MITF: variants seen among roughly 807,000 people sequenced by gnomAD.
MITF encodes microphthalmia-associated transcription factor.
Under a neutral mutation model 60.5 loss-of-function variants are expected in MITF, and 17 were observed. The observed-to-expected ratio is 0.28, with a 90% CI of 0.19 to 0.42. The LOEUF (loss-of-function observed/expected upper bound fraction) is 0.42, where lower values mean the gene tolerates loss of function less well. MITF is among the 10% of genes least tolerant of loss of function. MITF has a pLI of 1.00. For synonymous variants in MITF, 260 were observed against 248.5 expected (o/e 1.05, Z -0.43); for missense variants, 622 against 683.5 (o/e 0.91, Z 1.00).
intron 1 of MITF, among the ~76,000 whole-genome samples, chr3:69,742,379 C>T (rs1257537852): frequency 6.6e-6 from 1 of 152,140 alleles, no homozygotes; most frequent in Non-Finnish European, 1.5e-5. Context: ...GTGCTGAGGT[C>T]AAGCAACTCT....
chr3:69,950,448 TTATATATA>T (rs10604038), intron 6 of MITF, among the ~76,000 whole-genome samples: 278 of 130,786 alleles, frequency 2.1e-3, no homozygotes, highest in East Asian at 0.014. Flanking sequence ...AACTTCTGAG[TTATATATA>T]TATATATATA....
intron 1 of MITF, among the ~76,000 whole-genome samples, chr3:69,741,896 TG>T (rs1386514894): frequency 6.6e-6 from 1 of 152,236 alleles, no homozygotes; most frequent in Non-Finnish European, 1.5e-5. Context: ...CTTATGTTTT[TG>T]CTGGGGCACC....
intron 1 of MITF, among the ~76,000 whole-genome samples, chr3:69,865,030 C>T (rs79604325): frequency 3.2e-4 from 49 of 152,060 alleles, no homozygotes; most frequent in African/African-American, 9.6e-4. Context: ...GTAAACTCCA[C>T]GAATTTACAC....
intron 5 of MITF, among the ~76,000 whole-genome samples, chr3:69,942,551 C>G (rs1380969736): frequency 1.3e-5 from 2 of 152,002 alleles, no homozygotes; most frequent in Admixed American, 6.6e-5. Context: ...CTTGAAACCT[C>G]AAGCTTCTTT....
chr3:69,836,095 G>A (rs62252226), intron 1 of MITF, among the ~76,000 whole-genome samples: 23,292 of 151,752 alleles, frequency 0.15, 2,077 homozygotes, highest in Non-Finnish European at 0.21. Flanking sequence ...TAATTCTTTC[G>A]GTTCATGGAC....
At chr3:69,891,584 C>T (rs1370069334) in intron 2 of MITF, among the ~76,000 whole-genome samples, 2 of 152,122 alleles carry the variant, frequency 1.3e-5, no homozygotes, top group African/African-American at 2.4e-5. Flanking sequence ...AAAGTATGCT[C>T]ATGTTTGAGA....
At chr3:69,930,917 A>G (rs1451177208) in intron 2 of MITF, among the ~76,000 whole-genome samples, 1 of 152,204 alleles carries the variant, frequency 6.6e-6, no homozygotes, top group Non-Finnish European at 1.5e-5. Context: ...GATGGGAACA[A>G]CTCAAAGTAA....
chr3:69,870,669 G>A (rs971343032), intron 1 of MITF, among the ~76,000 whole-genome samples: 3 of 151,768 alleles, frequency 2.0e-5, no homozygotes, highest in Non-Finnish European at 4.4e-5. Flanking sequence ...TCTTGATCTC[G>A]TGATCCACCC....
rs72371556 is a variant in MITF at position 69,821,690 on chromosome 3, TA to T, written c.105-57428del. On this transcript the variant is annotated intron_variant, in intron 1 of 9. Coordinates refer to ENST00000352241, the MANE Select transcript of MITF (RefSeq NM_001354604.2). ...CATTTAGAAAAGGAAAAAAAAAAAC[TA>T]AAAAAAAAAAAAAAAGCAAAAGTTC... Among the ~76,000 whole-genome samples, 684 of 113,186 alleles carry T rather than the reference TA, an allele frequency of 6.0e-3. 4 individuals carry two copies. The highest frequency in any genetic ancestry group is 0.013 in the African/African-American group (403 of 30,390). 74.3% of individuals were successfully genotyped at this position (113,186 alleles called of 152,430 possible). A position where few individuals can be genotyped will look rare whatever the true frequency, so the allele number is the denominator to read the frequency against.
rs112119389 is a variant in MITF at position 69,847,905 on chromosome 3, A to G, written c.105-31229A>G. On this transcript the variant is annotated intron_variant, in intron 1 of 9. Transcript: ENST00000352241. ...GGTATTTCCTAACTACCATGTTCCC[A>G]ATCCCACATGCTTCATAGCCTAAGA... Among the ~76,000 whole-genome samples, 7 of 152,364 alleles carry G rather than the reference A, an allele frequency of 4.6e-5. 1 individual carries two copies. The highest frequency in any genetic ancestry group is 1.7e-4 in the African/African-American group (7 of 41,588).
chr3:69,777,374 C>T (rs2062491435), intron 1 of MITF, among the ~76,000 whole-genome samples: 1 of 152,154 alleles, frequency 6.6e-6, no homozygotes, highest in Admixed American at 6.5e-5. Context: ...TCATTTGGGT[C>T]ATTGTTGCTA....
At chr3:69,868,068 G>A (rs1245191604) in intron 1 of MITF, among the ~76,000 whole-genome samples, 1 of 152,200 alleles carries the variant, frequency 6.6e-6, no homozygotes, top group East Asian at 1.9e-4. Flanking sequence ...TCCCTAGAAA[G>A]TAACTTGTCA....
At chr3:69,832,615 T>TCC (rs1378439460) in intron 1 of MITF, among the ~76,000 whole-genome samples, 1 of 152,244 alleles carries the variant, frequency 6.6e-6, no homozygotes, top group Non-Finnish European at 1.5e-5. Context: ...CGCAATTGTT[T>TCC]CCCCGTTTAC....
At chr3:69,815,495 A>G (rs1409634120) in intron 1 of MITF, among the ~76,000 whole-genome samples, 1 of 152,182 alleles carries the variant, frequency 6.6e-6, no homozygotes, top group Non-Finnish European at 1.5e-5. Context: ...ATTAGTAAAT[A>G]TCTTTTCTTT....
At chr3:69,823,199 C>G (rs949409057) in intron 1 of MITF, among the ~76,000 whole-genome samples, 4 of 152,094 alleles carry the variant, frequency 2.6e-5, no homozygotes, top group African/African-American at 9.7e-5. Flanking sequence ...TTTAAATTAG[C>G]TTTTCTGTGT....
intron 1 of MITF, among the ~76,000 whole-genome samples, chr3:69,784,808 T>C (rs2062621917): frequency 6.6e-6 from 1 of 152,148 alleles, no homozygotes; most frequent in Admixed American, 6.5e-5. Flanking sequence ...AAAGGACTTC[T>C]TAAAATAGGA....
intron 1 of MITF, among the ~76,000 whole-genome samples, chr3:69,851,146 A>G (rs1388301857): frequency 1.4e-4 from 22 of 152,112 alleles, no homozygotes; most frequent in Non-Finnish European, 2.9e-5. Flanking sequence ...ATACTTCTGA[A>G]CTCTGGCTCA....
At chr3:69,946,377 A>G (rs1320712739) in intron 5 of MITF, among the ~76,000 whole-genome samples, 2 of 152,098 alleles carry the variant, frequency 1.3e-5, no homozygotes, top group African/African-American at 4.8e-5. Context: ...CCTCAGGTCT[A>G]ATTGGAGATG....
At chr3:69,908,895 G>A (rs1263135391) in intron 2 of MITF, among the ~76,000 whole-genome samples, 7 of 152,190 alleles carry the variant, frequency 4.6e-5, no homozygotes, top group Admixed American at 4.6e-4. Context: ...TTTAAGTTGA[G>A]ATTATTTATG....
Sources: allele counts gnomAD v4.1 joint callset (sites outside exome capture counted in the v4.1 genomes callset), GRCh38; gene constraint gnomAD v4.1.1; transcripts MANE v1.5; gene names NCBI Gene and HGNC (gene_info 2026-07-23, HGNC 2026-07-21).